Variants in PCDHGB2 observed in about 807,000 individuals in gnomAD.
PCDHGB2 encodes protocadherin gamma subfamily B, 2, also known as protocadherin gamma-B2.
A neutral mutation model predicts 59.3 loss-of-function variants in PCDHGB2; 55 were observed. That is an observed-to-expected ratio of 0.93 (90% CI 0.75 to 1.16). PCDHGB2 has a LOEUF of 1.16. Among genes scored for constraint, PCDHGB2 ranks in the 50% most tolerant of loss-of-function variants. PCDHGB2 has a pLI of 0.00. For synonymous variants in PCDHGB2, 516 were observed against 512.0 expected, an observed-to-expected ratio of 1.01 and a Z score of -0.11; for missense variants, 1,228 against 1,198.5, an observed-to-expected ratio of 1.02 and a Z score of -0.36.
chr5:141,399,036 G>A, intron 1 of PCDHGB2: 1 of 1,613,800 alleles, frequency 6.2e-7, no homozygotes, highest in African/African-American at 1.3e-5. Context: ...AAAAGAAACT[G>A]GATTTTGAAG....
rs1228384684 is a variant in PCDHGB2 at position 141,432,189 on chromosome 5, A to G, written c.2422-62618A>G. On this transcript the variant is annotated intron_variant, in intron 1 of 3. Coordinates refer to ENST00000522605, the MANE Select transcript of PCDHGB2 (RefSeq NM_018923.3). This position sits in a 1 kb window ranked among gnomAD's most constrained non-coding sequence, Gnocchi z 6.0. The stretch of plus-strand genomic sequence containing the variant: ...GTTTCCCTCGTCTCTGTGACCGCCC[A>G]CGACCCCGACTGTGAAGAGAACGCC... 6.2e-6 allele frequency: 10 copies of G among 1,613,964 alleles called. No homozygotes were observed. Among genetic ancestry groups the G allele is most frequent in the African/African-American group, 1.3e-5 (1 of 74,878 alleles).
At chr5:141,483,801 C>CT (rs1486591615) in intron 1 of PCDHGB2, among the ~76,000 whole-genome samples, 8 of 152,168 alleles carry the variant, frequency 5.3e-5, no homozygotes, top group Non-Finnish European at 8.8e-5. Flanking sequence ...GTTGTTGCTG[C>CT]TTTTTTTGGC....
chr5:141,489,900 A>G lies in PCDHGB2; in HGVS notation c.2422-4907A>G, dbSNP rs963522810. The stretch of plus-strand genomic sequence containing the variant: ...TTACTGCTGTGGATGGGGGGACCCC[A>G]GCCCGCTCAGGGACCACCCTTATCT... On this transcript the variant is annotated intron_variant, in intron 1 of 3. Transcript: ENST00000522605. The surrounding 1 kb of genome is among the most constrained non-coding windows in gnomAD (Gnocchi z 4.5). The G allele has an allele frequency of 1.9e-6, 3 of 1,614,254 alleles. No homozygotes were observed. The highest frequency in any genetic ancestry group is 1.7e-5 in the Admixed American group (1 of 60,026).
At chr5:141,480,703 C>G (rs577131684) in intron 1 of PCDHGB2, among the ~76,000 whole-genome samples, 1 of 152,134 alleles carries the variant, frequency 6.6e-6, no homozygotes, top group African/African-American at 2.4e-5. Context: ...GGCCACACCC[C>G]GACAAATGAA....
chr5:141,404,485 T>C (rs780359921), intron 1 of PCDHGB2: 2 of 1,613,490 alleles, frequency 1.2e-6, no homozygotes, highest in Admixed American at 1.7e-5. Context: ...ACTCAGACAC[T>C]GGTGTGCTGT....
intron 1 of PCDHGB2, chr5:141,398,594 T>C: frequency 6.2e-7 from 1 of 1,614,028 alleles, no homozygotes; most frequent in African/African-American, 1.3e-5. Flanking sequence ...ATACTAGAAG[T>C]AGCAGAAGAT....
intron 1 of PCDHGB2, chr5:141,442,400 C>G (rs1478739190): frequency 6.6e-6 from 1 of 152,224 alleles, no homozygotes; most frequent in Admixed American, 6.5e-5. Context: ...TCCTACGAAT[C>G]CAGGGCTGAG....
chr5:141,362,060 T>C lies in PCDHGB2; in HGVS notation c.1925T>C (p.Leu642Pro), dbSNP rs764020676. ...LGDRDAARQR[L>P]LVAVRDGGQP... ...GACAGGGACGCGGCCCGCCAGCGCC[T>C]GCTGGTCGCTGTGCGTGATGGAGGA... Residue 642 changes from leucine to proline, a missense_variant, in exon 1 of 4, where the codon CTG (leucine) becomes CCG (proline). By Grantham distance (98) the Leu-to-Pro change is moderately conservative. Around this residue, in one of 3 missense-constraint regions of PCDHGB2, gnomAD observed 433 missense variants for 441.8 expected, o/e 0.98. Transcript: ENST00000522605. 5.6e-6 allele frequency: 9 copies of C among 1,612,216 alleles called. No individual in the cohort carries two copies. The highest frequency in any genetic ancestry group is 7.6e-6 in the Non-Finnish European group (9 of 1,179,702).
chr5:141,374,117 G>A (rs750762308), intron 1 of PCDHGB2: 9 of 1,587,566 alleles, frequency 5.7e-6, no homozygotes, highest in Non-Finnish European at 7.7e-6. Context: ...GCAGCGCAGC[G>A]AGCAGGTCCT....
chr5:141,430,750 G>A (rs746434313), intron 1 of PCDHGB2: 2 of 1,500,586 alleles, frequency 1.3e-6, no homozygotes, highest in Non-Finnish European at 1.8e-6. Context: ...AATTCTGGAG[G>A]AAGATAAGAA....
rs551458033 is a variant in PCDHGB2 at position 141,361,995 on chromosome 5, G to C, written c.1860G>C (p.Gly620=). The C allele has an allele frequency of 8.7e-6, 14 of 1,603,208 alleles. No individual in the cohort carries two copies. The East Asian group carries it at 2.5e-4, about 28-fold the overall frequency. Residue 620 remains glycine, a synonymous_variant, in exon 1 of 4, where the codon GGG becomes GGC. Coordinates refer to ENST00000522605, the MANE Select transcript of PCDHGB2 (RefSeq NM_018923.3). The part of the protein sequence containing the change: ...QASEPGLFSL[G]LRTGEVRTAR... ...GCGAGCCCGGGCTCTTCAGCCTGGG[G>C]TTGCGCACGGGTGAGGTGCGCACAG... is the stretch of plus-strand genomic sequence containing the variant.
chr5:141,385,104 G>A, intron 1 of PCDHGB2: 1 of 1,614,192 alleles, frequency 6.2e-7, no homozygotes, highest in Non-Finnish European at 8.5e-7. Flanking sequence ...TGGCGAACGT[G>A]CCCACCTCGC....
Position 141,491,260 on chromosome 5 carries a change from A to G in PCDHGB2, c.2422-3547A>G. On this transcript the variant is annotated intron_variant, in intron 1 of 3. Coordinates refer to ENST00000522605, the MANE Select transcript of PCDHGB2 (RefSeq NM_018923.3). This position sits in a 1 kb window ranked among gnomAD's most constrained non-coding sequence, Gnocchi z 6.9. ...TCTGGAGGATGAGGACCCTGAGGAA[A>G]TGCCCAAATCCAGTGACTTCCTCAT... 6.2e-7 allele frequency: 1 copy of G among 1,614,108 alleles called. No individual in the cohort carries two copies. The highest frequency in any genetic ancestry group is 1.7e-5 in the Admixed American group (1 of 60,028).
intron 1 of PCDHGB2, chr5:141,384,439 C>A (rs1314559914): frequency 6.2e-7 from 1 of 1,614,016 alleles, no homozygotes; most frequent in South Asian, 1.1e-5. Flanking sequence ...CACTGGAGTC[C>A]TGTACGCGCT....
In PCDHGB2 at chr5:141,360,762, A is replaced by G. The variant is rs917082893; in HGVS notation, c.627A>G (p.Gln209=). ...ACAGAGAAGAGCACAGTTTACATCA[A>G]TTGGTCCTCACAGCTGTGGATGGCG... The part of the protein sequence containing the change: ...SLDREEHSLH[Q]LVLTAVDGGD... The change falls in exon 1 of 4, where the codon CAA becomes CAG. Residue 209 remains glutamine, a synonymous_variant. Coordinates refer to ENST00000522605, the MANE Select transcript of PCDHGB2 (RefSeq NM_018923.3). 6.2e-7 allele frequency: 1 copy of G among 1,613,952 alleles called. No individual in the cohort carries two copies. The highest frequency in any genetic ancestry group is 8.5e-7 in the Non-Finnish European group (1 of 1,179,886).
intron 2 of PCDHGB2, among the ~76,000 whole-genome samples, chr5:141,502,866 C>CTCTTTTTT (rs1554188502): frequency 2.3e-5 from 3 of 128,046 alleles, no homozygotes; most frequent in Non-Finnish European, 3.2e-5. Flanking sequence ...GACTCTCTGT[C>CTCTTTTTT]TTTTTTTTTT....
At chr5:141,410,004 ACGCCTGGCTGTC>A in intron 1 of PCDHGB2, 1 of 1,613,154 alleles carries the variant, frequency 6.2e-7, no homozygotes, top group Non-Finnish European at 8.5e-7. Flanking sequence ...TCGGGACACA[ACGCCTGGCTGTC>A]CTACCACGTG....
intron 1 of PCDHGB2, among the ~76,000 whole-genome samples, chr5:141,444,253 C>T (rs2154560603): frequency 7.0e-6 from 1 of 142,690 alleles, no homozygotes; most frequent in South Asian, 2.3e-4. Flanking sequence ...CTCACTGCAA[C>T]CTCCGCCTCC....
At chr5:141,408,313 T>A (rs375849626) in intron 1 of PCDHGB2, 28 of 1,613,640 alleles carry the variant, frequency 1.7e-5, no homozygotes, top group Non-Finnish European at 2.0e-5. Flanking sequence ...GCTACTCGAT[T>A]CCGGAGGAGC....
Sources: allele counts gnomAD v4.1 joint callset (sites outside exome capture counted in the v4.1 genomes callset), GRCh38; gene constraint gnomAD v4.1.1; regional missense constraint gnomAD v4.1.1; non-coding constraint Gnocchi (gnomAD v3.1); transcripts MANE v1.5; gene names NCBI Gene and HGNC (gene_info 2026-07-23, HGNC 2026-07-21).